The following ARRDC4 variants were observed in gnomAD, a reference collection of about 807,000 sequenced individuals.
ARRDC4 encodes the protein arrestin domain containing 4.
ARRDC4 carries 40 observed loss-of-function variants against 44.6 expected under a neutral mutation model. That is an observed-to-expected ratio of 0.90 (90% CI 0.70 to 1.17). The LOEUF is 1.17. Among genes scored for constraint, ARRDC4 ranks in the 50% most tolerant of loss-of-function variants. The pLI, the probability that ARRDC4 is intolerant of heterozygous loss-of-function variation, is 0.00. For missense variants in ARRDC4, 550 were observed against 559.1 expected, an observed-to-expected ratio of 0.98 and a Z score of 0.16; for synonymous variants, 211 against 221.2, an observed-to-expected ratio of 0.95 and a Z score of 0.41.
intron 5 of ARRDC4, 57 bp downstream of exon 5, chr15:97,969,436 T>C (rs1899471464): frequency 2.5e-6 from 4 of 1,577,834 alleles, no homozygotes; most frequent in Admixed American, 3.4e-5. Flanking sequence ...ACTGATGTCA[T>C]GTTACTGTGG....
chr15:97,969,099 T>TC, intron 4 of ARRDC4, 24 bp from the exon 5 acceptor site: 1 of 1,607,352 alleles, frequency 6.2e-7, no homozygotes. Flanking sequence ...CTCTGAATCC[T>TC]CCCTGGTTTT....
At chr15:97,969,861 T>TC in intron 5 of ARRDC4, 22 bp from the exon 6 acceptor site, 2 of 1,493,892 alleles carry the variant, frequency 1.3e-6, no homozygotes, top group Non-Finnish European at 1.8e-6. Flanking sequence ...TTTCTCTTTT[T>TC]TTTTTTTTTT....
intron 1 of ARRDC4, among the ~76,000 whole-genome samples, chr15:97,964,282 T>C (rs1285413747): frequency 1.3e-5 from 2 of 152,116 alleles, no homozygotes; most frequent in Admixed American, 6.5e-5. Context: ...CTGATTTCTT[T>C]AAATTTTTTT....
At chr15:97,963,643 C>T (rs535306043) in intron 1 of ARRDC4, among the ~76,000 whole-genome samples, 1 of 152,296 alleles carries the variant, frequency 6.6e-6, no homozygotes, top group African/African-American at 2.4e-5. Flanking sequence ...ACCCATGTTC[C>T]TATGTGGGTG....
Position 97,969,288 on chromosome 15 carries a change from C to G in ARRDC4, c.791C>G (p.Thr264Arg). The change falls in exon 5 of 8, where the codon ACA becomes AGA. Residue 264 changes from threonine (T) to arginine (R), a missense_variant. Physicochemically the swap from Thr to Arg is moderately conservative, Grantham distance 71 (BLOSUM62 -1). Coordinates refer to ENST00000268042, the MANE Select transcript of ARRDC4 (RefSeq NM_183376.3). The part of the protein sequence containing the change: ...VRGNHIASGS[T>R]DTWNGKTLKI... Reference sequence around the variant, plus strand: ...GGAAACCACATCGCTTCTGGGAGCACAGACACATGGAATGGGAAAACGCTA... The same window carrying G: ...GGAAACCACATCGCTTCTGGGAGCAGAGACACATGGAATGGGAAAACGCTA... 3 of 1,613,892 alleles carry G rather than the reference C, an allele frequency of 1.9e-6. No individual in the cohort carries two copies. Among genetic ancestry groups the G allele is most frequent in the Non-Finnish European group, 2.5e-6 (3 of 1,179,874 alleles).
chr15:97,969,415 G>A (rs938526748), intron 5 of ARRDC4, 36 bp downstream of exon 5: 2 of 1,604,616 alleles, frequency 1.2e-6, no homozygotes, highest in Non-Finnish European at 1.7e-6. Context: ...AAATGTGTAT[G>A]ATGGACAATA....
In ARRDC4 at chr15:97,973,168, T is replaced by C. The variant is rs996605561; in HGVS notation, c.*1981T>C. The C allele has an allele frequency of 6.6e-6, 1 of 152,352 alleles. No individual in the cohort carries two copies. The highest frequency in any genetic ancestry group is 2.4e-5 in the African/African-American group (1 of 41,464). The allele number at this position is 152,352 out of a possible 1,614,324, so 9.4% of individuals were successfully genotyped here. On this transcript the variant is annotated 3_prime_UTR_variant, in exon 8 of 8. Transcript: ENST00000268042. ...ATGCCCTGCCAAGGCATTGTTCGAC[T>C]CCATGATACTAAAACATAATGAAAG...
In ARRDC4 at chr15:97,970,517, T is replaced by C; in HGVS notation, c.1046-72T>C. The C allele has an allele frequency of 6.8e-7, 1 of 1,478,854 alleles. No individual in the cohort carries two copies. Among genetic ancestry groups the C allele is most frequent in the Non-Finnish European group, 9.2e-7 (1 of 1,086,008 alleles). The allele number at this position is 1,478,854 out of a possible 1,614,324, so 91.6% of individuals were successfully genotyped here. ...TATCTTCAAGTTTAGCTGTTTCTTG[T>C]TTTTGTAGCAGTTAAGAATCGAGAT... is the stretch of plus-strand genomic sequence containing the variant. On this transcript the variant is annotated intron_variant, in intron 6 of 7. Transcript: ENST00000268042. This position sits in a 1 kb window ranked among gnomAD's most constrained non-coding sequence, Gnocchi z 4.2.
Position 97,966,145 on chromosome 15 carries a change from G to C in ARRDC4, c.522+103G>C. ...TATTTAGCCAGTTTACTGGTAGTCT[G>C]TCCTGTCACTTTCTGATGGCTTGGA... On this transcript the variant is annotated intron_variant, in intron 3 of 7. Transcript: ENST00000268042. This position sits in a 1 kb window ranked among gnomAD's most constrained non-coding sequence, Gnocchi z 4.7. The C allele has an allele frequency of 7.6e-7, 1 of 1,307,452 alleles. No homozygotes were observed. The highest frequency in any genetic ancestry group is 1.0e-6 in the Non-Finnish European group (1 of 952,706). The allele number at this position is 1,307,452 out of a possible 1,614,324, so 81.0% of individuals were successfully genotyped here. A position where few individuals can be genotyped will look rare whatever the true frequency, so the allele number is the denominator to read the frequency against.
chr15:97,969,058 A>C (rs77329358), intron 4 of ARRDC4, 65 bp from the exon 5 acceptor site: 56,213 of 1,537,792 alleles, frequency 0.037, 2,396 homozygotes, highest in African/African-American at 0.22. Flanking sequence ...ATACGGCCCT[A>C]ATCCATTGTG....
At position 97,966,653 on chromosome 15, in the gene ARRDC4, A is replaced by G. The variant is rs1899423272; in HGVS notation, c.522+611A>G. On this transcript the variant is annotated intron_variant, in intron 3 of 7. Coordinates refer to ENST00000268042, the MANE Select transcript of ARRDC4 (RefSeq NM_183376.3). The surrounding 1 kb of genome is among the most constrained non-coding windows in gnomAD (Gnocchi z 4.7). Reference sequence around the variant, plus strand: ...GAAATACTGTAGACTGATAAGAAAGATCAGGCTATAAGTAACAACAGAATA... The same window carrying G: ...GAAATACTGTAGACTGATAAGAAAGGTCAGGCTATAAGTAACAACAGAATA... Among the ~76,000 whole-genome samples the G allele has an allele frequency of 6.6e-6, 1 of 152,232 alleles. No individual in the cohort carries two copies. The highest frequency in any genetic ancestry group is 2.1e-4 in the South Asian group (1 of 4,832).
Position 97,965,562 on chromosome 15 carries a change from A to G in ARRDC4, c.308-38A>G. The G allele has an allele frequency of 6.6e-7, 1 of 1,507,568 alleles. No homozygotes were observed. Among genetic ancestry groups the G allele is most frequent in the Non-Finnish European group, 9.2e-7 (1 of 1,084,208 alleles). The allele number at this position is 1,507,568 out of a possible 1,614,324, so 93.4% of individuals were successfully genotyped here. A position where few individuals can be genotyped will look rare whatever the true frequency, so the allele number is the denominator to read the frequency against. ...TTGTGAAAACTCTTGATCTAATACT[A>G]ACTATCCTTCATTAAAATAAAATAC... On this transcript the variant is annotated intron_variant, in intron 1 of 7. Transcript: ENST00000268042. This position sits in a 1 kb window ranked among gnomAD's most constrained non-coding sequence, Gnocchi z 5.1.
chr15:97,961,134 G>C lies in ARRDC4; in HGVS notation c.273G>C (p.Leu91=). ...CTGTCTTCTCGGAGGTGGAGTACCT[G>C]AACGTGCGCCTCAGCCTGCGGGAGC... is the stretch of plus-strand genomic sequence containing the variant. ...ALAVFSEVEY[L]NVRLSLREPP... The change falls in exon 1 of 8, where the codon CTG becomes CTC. Residue 91 remains leucine (L), a synonymous_variant. Transcript: ENST00000268042. 6.9e-7 allele frequency: 1 copy of C among 1,455,944 alleles called. No individual in the cohort carries two copies. The allele number at this position is 1,455,944 out of a possible 1,614,324, so 90.2% of individuals were successfully genotyped here. A position where few individuals can be genotyped will look rare whatever the true frequency, so the allele number is the denominator to read the frequency against.
At position 97,970,117 on chromosome 15, in the gene ARRDC4, A is replaced by G. The variant is rs1899484661; in HGVS notation, c.1045+72A>G. On this transcript the variant is annotated intron_variant, in intron 6 of 7. Transcript: ENST00000268042. This position sits in a 1 kb window ranked among gnomAD's most constrained non-coding sequence, Gnocchi z 4.2. ...TACCTAGGAACAGAATATATACACT[A>G]TTAAGTGCTCAGATGTTGATGAGTA... The G allele has an allele frequency of 1.4e-6, 2 of 1,457,742 alleles. No individual in the cohort carries two copies. The highest frequency in any genetic ancestry group is 1.8e-4 in the Middle Eastern group (1 of 5,570). The allele number at this position is 1,457,742 out of a possible 1,614,324, so 90.3% of individuals were successfully genotyped here.
In ARRDC4 at chr15:97,970,892, T is replaced by C. The variant is rs963947570; in HGVS notation, c.1200+149T>C. On this transcript the variant is annotated intron_variant, in intron 7 of 7. Transcript: ENST00000268042. This position sits in a 1 kb window ranked among gnomAD's most constrained non-coding sequence, Gnocchi z 4.2. Reference sequence around the variant, plus strand: ...TTATACAGTGGTAATAGATTATCGCTGATTCATTTGCCAGATTTTTTTACT... The same window carrying C: ...TTATACAGTGGTAATAGATTATCGCCGATTCATTTGCCAGATTTTTTTACT... 9.5e-7 allele frequency: 1 copy of C among 1,053,162 alleles called. No individual in the cohort carries two copies. The highest frequency in any genetic ancestry group is 2.5e-5 in the East Asian group (1 of 39,312). 65.2% of individuals were successfully genotyped at this position (1,053,162 alleles called of 1,614,324 possible).
At chr15:97,962,436 G>T (rs181490521) in intron 1 of ARRDC4, among the ~76,000 whole-genome samples, 282 of 152,306 alleles carry the variant, frequency 1.9e-3, no homozygotes, top group African/African-American at 4.2e-3. Flanking sequence ...ATGGAGTCAA[G>T]GACCTTGGGA....
intron 1 of ARRDC4, among the ~76,000 whole-genome samples, chr15:97,963,072 C>T (rs564405121): frequency 1.8e-4 from 28 of 152,336 alleles, no homozygotes; most frequent in Non-Finnish European, 3.4e-4. Flanking sequence ...TGGTCACCCA[C>T]CAGCAGTGTG....
rs1176526837 is a variant in ARRDC4 at position 97,965,641 on chromosome 15, C to T, written c.349C>T (p.Pro117Ser). ...ILLQPGKHEFPFRFQLPSEPL... is the reference protein window; with the variant it reads ...ILLQPGKHEFSFRFQLPSEPL... ...ATTACAGCCTGGAAAACATGAATTT[C>T]CATTTCGCTTTCAACTTCCATCTGA... Residue 117 changes from proline (P) to serine (S), a missense_variant, in exon 2 of 8, where the codon CCA becomes TCA. Coordinates refer to ENST00000268042, the MANE Select transcript of ARRDC4 (RefSeq NM_183376.3). The surrounding 1 kb of genome is among the most constrained non-coding windows in gnomAD (Gnocchi z 5.1). 6.2e-7 allele frequency: 1 copy of T among 1,613,562 alleles called. No homozygotes were observed. Among genetic ancestry groups the T allele is most frequent in the Non-Finnish European group, 8.5e-7 (1 of 1,179,658 alleles).
At position 97,973,205 on chromosome 15, in the gene ARRDC4, A is replaced by G. The variant is rs544796284; in HGVS notation, c.*2018A>G. 7.2e-5 allele frequency: 11 copies of G among 152,650 alleles called. No individual in the cohort carries two copies. In the South Asian group the frequency reaches 1.9e-3, roughly 26 times the overall value. The allele number at this position is 152,650 out of a possible 1,614,324, so 9.5% of individuals were successfully genotyped here. A position where few individuals can be genotyped will look rare whatever the true frequency, so the allele number is the denominator to read the frequency against. On this transcript the variant is annotated 3_prime_UTR_variant, in exon 8 of 8. Coordinates refer to ENST00000268042, the MANE Select transcript of ARRDC4 (RefSeq NM_183376.3). ...AAACATAATGAAAGAAACAAACTCCAGTATGGAGAAGAGAAAGTTTAATTA... is the reference window on the plus strand; with the variant it reads ...AAACATAATGAAAGAAACAAACTCCGGTATGGAGAAGAGAAAGTTTAATTA...
Sources: allele counts gnomAD v4.1 joint callset (sites outside exome capture counted in the v4.1 genomes callset), GRCh38; gene constraint gnomAD v4.1.1; non-coding constraint Gnocchi (gnomAD v3.1); transcripts MANE v1.5; gene names NCBI Gene and HGNC (gene_info 2026-07-23, HGNC 2026-07-21).